The following EPB41L1 variants were observed in gnomAD, a reference collection of about 807,000 sequenced individuals.
EPB41L1 encodes the protein erythrocyte membrane protein band 4.1 like 1, also known as band 4.1-like protein 1.
EPB41L1 carries 29 observed loss-of-function variants against 97.8 expected under a neutral mutation model. That is an observed-to-expected ratio of 0.30 (90% CI 0.22 to 0.40). EPB41L1 has a LOEUF of 0.40. Ranked by LOEUF, EPB41L1 falls within the 10% of genes least tolerant of loss-of-function variation. EPB41L1 has a pLI of 1.00. For synonymous variants in EPB41L1, 383 were observed against 459.2 expected (o/e 0.83, Z 2.12); for missense variants, 812 against 1,162.3 (o/e 0.70, Z 4.38).
intron 1 of EPB41L1, among the ~76,000 whole-genome samples, chr20:36,166,181 C>G (rs1253964574): frequency 6.6e-6 from 1 of 152,230 alleles, no homozygotes; most frequent in African/African-American, 2.4e-5. Context: ...ATCAGTTATC[C>G]ATGTGTTCAA....
intron 13 of EPB41L1, among the ~76,000 whole-genome samples, chr20:36,196,698 C>T (rs2146508525): frequency 6.6e-6 from 1 of 152,334 alleles, no homozygotes; most frequent in Non-Finnish European, 1.5e-5. Flanking sequence ...GTGGTTCTTC[C>T]AGAATTACCT....
intron 1 of EPB41L1, among the ~76,000 whole-genome samples, chr20:36,097,527 T>A (rs2057871174): frequency 6.6e-6 from 1 of 152,246 alleles, no homozygotes; most frequent in South Asian, 2.1e-4. Flanking sequence ...CTTGAAGGCC[T>A]TTGTATTGGG....
chr20:36,125,810 G>C (rs111337529), intron 2 of EPB41L1, among the ~76,000 whole-genome samples: 3 of 152,276 alleles, frequency 2.0e-5, no homozygotes, highest in African/African-American at 7.2e-5. Flanking sequence ...GAAGGGTAAG[G>C]CTGGAGACCA....
chr20:36,165,273 C>T (rs1006232605), intron 1 of EPB41L1, among the ~76,000 whole-genome samples: 5 of 152,102 alleles, frequency 3.3e-5, no homozygotes, highest in South Asian at 2.1e-4. Flanking sequence ...TGAGCCACCG[C>T]GCCTGGCCCA....
rs139191156 is a variant in EPB41L1, at chr20:36,212,809, T to C, written c.2184+433T>C. 6.6e-6 allele frequency among the ~76,000 whole-genome samples: 1 copy of C among 152,314 alleles called. No individual in the cohort carries two copies. The highest frequency in any genetic ancestry group is 1.9e-4 in the East Asian group (1 of 5,174). On this transcript the variant is annotated intron_variant, in intron 16 of 21. Transcript: ENST00000338074. This position sits in a 1 kb window ranked among gnomAD's most constrained non-coding sequence, Gnocchi z 4.8. ...TCAGCTTCAGTCAGAATAGCTCACC[T>C]TGGGTCATTTTTTATGCATTAGAGT...
intron 1 of EPB41L1, among the ~76,000 whole-genome samples, chr20:36,173,190 G>A (rs148640624): frequency 3.5e-4 from 54 of 152,258 alleles, no homozygotes; most frequent in African/African-American, 1.1e-3. Context: ...AAGCCTGCGC[G>A]TTTTTTTGTT....
intron 17 of EPB41L1, among the ~76,000 whole-genome samples, chr20:36,215,942 C>T (rs6060861): frequency 0.08 from 12,177 of 152,158 alleles, 1,490 homozygotes; most frequent in African/African-American, 0.26. Flanking sequence ...GCAAGTCACC[C>T]GAACCTCTCC....
At chr20:36,150,458 T>C (rs535996930), upstream of EPB41L1, 2 of 152,168 alleles carry the variant, frequency 1.3e-5, no homozygotes, top group Non-Finnish European at 2.9e-5. Flanking sequence ...TTTCAAGTGC[T>C]CCATAGCAAC....
intron 6 of EPB41L1, among the ~76,000 whole-genome samples, chr20:36,182,768 G>A (rs906992903): frequency 1.3e-5 from 2 of 152,214 alleles, no homozygotes; most frequent in Non-Finnish European, 1.5e-5. Flanking sequence ...CATAGCATGG[G>A]CCATCTCTGG....
chr20:36,204,694 T>G (rs1292835565), intron 14 of EPB41L1, among the ~76,000 whole-genome samples: 1 of 150,410 alleles, frequency 6.6e-6, no homozygotes, highest in Non-Finnish European at 1.5e-5. Flanking sequence ...CAGGCTGGAG[T>G]GCAGTGGCAC....
intron 1 of EPB41L1, among the ~76,000 whole-genome samples, chr20:36,160,020 A>C (rs369802435): frequency 2.0e-5 from 3 of 152,192 alleles, no homozygotes; most frequent in Non-Finnish European, 4.4e-5. Context: ...ATTAGTGGAG[A>C]TGATGATGAT....
rs1346370025 is a variant in EPB41L1 at position 36,179,878 on chromosome 20, A to G, written c.490+1206A>G. ...AGAGTGCACTCCTCGGGGGGCTGAC[A>G]GATCCTCCGCCTGGGCTTCAGGCTG... On this transcript the variant is annotated intron_variant, in intron 5 of 21. Transcript: ENST00000338074. 7.9e-5 allele frequency among the ~76,000 whole-genome samples: 12 copies of G among 152,222 alleles called. No homozygotes were observed. The East Asian group carries it at 2.3e-3, about 29-fold the overall frequency.
intron 13 of EPB41L1, among the ~76,000 whole-genome samples, chr20:36,196,337 C>T (rs2062201005): frequency 6.6e-6 from 1 of 152,214 alleles, no homozygotes; most frequent in South Asian, 2.1e-4. Flanking sequence ...TCCCACTGCT[C>T]CCTACAGCCT....
intron 6 of EPB41L1, among the ~76,000 whole-genome samples, chr20:36,183,533 C>A (rs1449615949): frequency 2.6e-5 from 4 of 152,180 alleles, no homozygotes; most frequent in Admixed American, 6.5e-5. Context: ...CCTGGTCTTC[C>A]CTACTGATAC....
intron 2 of EPB41L1, among the ~76,000 whole-genome samples, chr20:36,116,277 AAG>A (rs1455492376): frequency 2.6e-5 from 4 of 152,044 alleles, no homozygotes; most frequent in Non-Finnish European, 5.9e-5. Flanking sequence ...GAAGGTTTGG[AAG>A]AGAGAAGCAG....
intron 1 of EPB41L1, among the ~76,000 whole-genome samples, chr20:36,107,410 G>T (rs1441328064): frequency 6.6e-6 from 1 of 151,016 alleles, no homozygotes; most frequent in African/African-American, 2.4e-5. Context: ...TAGTAGAGAT[G>T]GGGTTTCATC....
intron 1 of EPB41L1, 138 bp downstream of exon 1, chr20:36,155,034 G>T (rs767636766): frequency 2.4e-6 from 2 of 819,456 alleles, no homozygotes; most frequent in South Asian, 3.0e-5. Context: ...CCAGTGTGGG[G>T]GAGGGTCTCG....
At chr20:36,167,488 C>G (rs1312902125) in intron 1 of EPB41L1, among the ~76,000 whole-genome samples, 1 of 151,958 alleles carries the variant, frequency 6.6e-6, no homozygotes, top group Non-Finnish European at 1.5e-5. Flanking sequence ...GGGCGGATTG[C>G]CTGAGCTCAG....
At chr20:36,145,930 G>A (rs914132343) in intron 2 of EPB41L1, among the ~76,000 whole-genome samples, 8 of 152,142 alleles carry the variant, frequency 5.3e-5, no homozygotes, top group African/African-American at 1.9e-4. Flanking sequence ...CATATGCAGC[G>A]TTTCCTGATT....
Sources: allele counts gnomAD v4.1 joint callset (sites outside exome capture counted in the v4.1 genomes callset), GRCh38; gene constraint gnomAD v4.1.1; non-coding constraint Gnocchi (gnomAD v3.1); transcripts MANE v1.5; gene names NCBI Gene and HGNC (gene_info 2026-07-23, HGNC 2026-07-21).